The following SOBP variants were observed in gnomAD, a reference collection of about 807,000 sequenced individuals.
SOBP encodes the protein sine oculis-binding protein homolog.
A neutral mutation model predicts 53.6 loss-of-function variants in SOBP; 4 were observed. That is an observed-to-expected ratio of 0.07 (90% CI 0.04 to 0.17). The LOEUF (loss-of-function observed/expected upper bound fraction) is 0.17, where lower values mean the gene tolerates loss of function less well. Among genes scored for constraint, SOBP ranks in the 10% least tolerant of loss-of-function variants. SOBP has a pLI of 1.00. For synonymous variants in SOBP, 584 were observed against 522.6 expected, an observed-to-expected ratio of 1.12 and a Z score of -1.60; for missense variants, 1,088 against 1,204.7, an observed-to-expected ratio of 0.90 and a Z score of 1.43.
At chr6:107,527,984 G>A (rs1783713519) in intron 3 of SOBP, among the ~76,000 whole-genome samples, 1 of 152,142 alleles carries the variant, frequency 6.6e-6, no homozygotes, top group East Asian at 1.9e-4. Flanking sequence ...CTGCCCTCAG[G>A]TTGCCCTAGC....
chr6:107,521,275 A>G (rs977989367), intron 3 of SOBP, among the ~76,000 whole-genome samples: 3 of 151,448 alleles, frequency 2.0e-5, no homozygotes, highest in African/African-American at 2.4e-5. Flanking sequence ...CCTTATGCCT[A>G]TAACTTAATT....
At chr6:107,546,448 C>T (rs1270937877) in intron 4 of SOBP, among the ~76,000 whole-genome samples, 2 of 152,154 alleles carry the variant, frequency 1.3e-5, no homozygotes, top group African/African-American at 2.4e-5. Context: ...AAAAATAGCA[C>T]GTATACTTGA....
chr6:107,490,848 C>A (rs998963281), intron 1 of SOBP, 136 bp downstream of exon 1: 2 of 691,298 alleles, frequency 2.9e-6, no homozygotes, highest in African/African-American at 3.6e-5. Context: ...CTCCGCTCCT[C>A]CTCCAGGTGT....
At position 107,634,094 on chromosome 6, in the gene SOBP, A is replaced by T. The variant is rs1003519427; in HGVS notation, c.1250A>T (p.His417Leu). 1.2e-6 allele frequency: 2 copies of T among 1,601,138 alleles called. No homozygotes were observed. Among genetic ancestry groups the T allele is most frequent in the African/African-American group, 1.3e-5 (1 of 74,770 alleles). The stretch of plus-strand genomic sequence containing the variant: ...CCGCCCTTCATCCGCGGGCCTCCGC[A>T]CCATGCCTCCAACCCCAACAGCCCC... ...IRPPFIRGPP[H>L]HASNPNSPLS... The change falls in exon 6 of 7, where the codon CAC becomes CTC. Residue 417 changes from histidine (H) to leucine (L), a missense_variant. This residue lies in a region of SOBP where 211 missense variants were observed against 258.9 expected (regional missense o/e 0.82). Coordinates refer to ENST00000317357, the MANE Select transcript of SOBP (RefSeq NM_018013.4). The surrounding 1 kb of genome is among the most constrained non-coding windows in gnomAD (Gnocchi z 4.5).
intron 5 of SOBP, among the ~76,000 whole-genome samples, chr6:107,633,059 C>T (rs1770786702): frequency 6.6e-6 from 1 of 152,142 alleles, no homozygotes; most frequent in South Asian, 2.1e-4. Context: ...CAAACATAGT[C>T]AACAGTGTAA....
At chr6:107,519,437 G>A (rs1783417248) in intron 3 of SOBP, among the ~76,000 whole-genome samples, 1 of 152,130 alleles carries the variant, frequency 6.6e-6, no homozygotes, top group South Asian at 2.1e-4. Context: ...AAGTCCTCTT[G>A]GCCCCACGTG....
intron 3 of SOBP, among the ~76,000 whole-genome samples, chr6:107,523,245 A>G (rs552547033): frequency 7.2e-5 from 11 of 152,316 alleles, no homozygotes; most frequent in African/African-American, 2.4e-4. Context: ...TAGCAGGACT[A>G]TTTTGGCATG....
At chr6:107,600,456 G>T (rs1786138089) in intron 5 of SOBP, among the ~76,000 whole-genome samples, 1 of 152,048 alleles carries the variant, frequency 6.6e-6, no homozygotes, top group Non-Finnish European at 1.5e-5. Context: ...TTACTTTTTA[G>T]ATGATGAAAC....
At chr6:107,514,161 G>A (rs768191219) in intron 3 of SOBP, 1 of 152,364 alleles carries the variant, frequency 6.6e-6, no homozygotes, top group South Asian at 2.1e-4. Flanking sequence ...CAATACAGAT[G>A]TATGTCATCA....
At chr6:107,571,419 C>T (rs1053429429) in intron 4 of SOBP, among the ~76,000 whole-genome samples, 2 of 152,114 alleles carry the variant, frequency 1.3e-5, no homozygotes, top group African/African-American at 2.4e-5. Flanking sequence ...CAGTGTAGAG[C>T]GGCAAGGCTT....
At chr6:107,610,163 A>G (rs1786536876) in intron 5 of SOBP, among the ~76,000 whole-genome samples, 1 of 152,148 alleles carries the variant, frequency 6.6e-6, no homozygotes, top group Admixed American at 6.5e-5. Context: ...GGTGTCAGGC[A>G]TTTGGGAGGA....
At chr6:107,631,910 G>A (rs532806453) in intron 5 of SOBP, among the ~76,000 whole-genome samples, 168 of 152,298 alleles carry the variant, frequency 1.1e-3, no homozygotes, top group African/African-American at 3.9e-3. Flanking sequence ...GAAAAAAAGC[G>A]AGAAGGAAAA....
chr6:107,517,359 T>G (rs1379969018), intron 3 of SOBP, among the ~76,000 whole-genome samples: 1 of 152,162 alleles, frequency 6.6e-6, no homozygotes, highest in Non-Finnish European at 1.5e-5. Context: ...TCTGGTGAAG[T>G]CTCTCTCCTT....
chr6:107,515,734 G>A lies in SOBP; in HGVS notation c.421+9307G>A, dbSNP rs141469367. Among the ~76,000 whole-genome samples, 313 of 152,220 alleles carry A rather than the reference G, an allele frequency of 2.1e-3. 9 individuals carry two copies. In the East Asian group the frequency reaches 0.054, roughly 26 times the overall value. On this transcript the variant is annotated intron_variant, in intron 3 of 6. Transcript: ENST00000317357. The stretch of plus-strand genomic sequence containing the variant: ...AGTGCACTCCAGCCTGTGTGACAGC[G>A]AGACTCTGTCTCAAAAAACAAAAAA...
intron 1 of SOBP, among the ~76,000 whole-genome samples, chr6:107,494,171 T>C (rs754918086): frequency 3.3e-5 from 5 of 152,210 alleles, no homozygotes; most frequent in South Asian, 2.1e-4. Flanking sequence ...ATTTAATTAG[T>C]GGCTAGTAGA....
intron 5 of SOBP, among the ~76,000 whole-genome samples, chr6:107,630,704 T>C (rs976232680): frequency 2.6e-5 from 4 of 151,790 alleles, no homozygotes; most frequent in African/African-American, 9.7e-5. Context: ...GTATTCTGAA[T>C]TGAAATTTAA....
At chr6:107,592,212 T>TATCA (rs1785782371) in intron 5 of SOBP, among the ~76,000 whole-genome samples, 1 of 152,154 alleles carries the variant, frequency 6.6e-6, no homozygotes, top group Non-Finnish European at 1.5e-5. Context: ...GTGCCAGTGA[T>TATCA]GACTTGAACT....
intron 4 of SOBP, among the ~76,000 whole-genome samples, chr6:107,540,747 A>T (rs147541797): frequency 2.9e-4 from 44 of 152,298 alleles, no homozygotes; most frequent in African/African-American, 9.6e-4. Flanking sequence ...ATGGAAGTCC[A>T]TGTCCAGCAG....
intron 3 of SOBP, among the ~76,000 whole-genome samples, chr6:107,532,416 A>C (rs1311969083): frequency 6.6e-6 from 1 of 151,850 alleles, no homozygotes; most frequent in Admixed American, 6.6e-5. Flanking sequence ...CACCCCTCAG[A>C]GGCCAGTTTT....
Sources: allele counts gnomAD v4.1 joint callset (sites outside exome capture counted in the v4.1 genomes callset), GRCh38; gene constraint gnomAD v4.1.1; regional missense constraint gnomAD v4.1.1; non-coding constraint Gnocchi (gnomAD v3.1); transcripts MANE v1.5; gene names NCBI Gene and HGNC (gene_info 2026-07-23, HGNC 2026-07-21).